Variants in CYB561 observed in about 807,000 individuals in gnomAD.
CYB561 encodes the protein cytochrome b561.
In CYB561, 11 loss-of-function variants were observed where a neutral mutation model predicts 25.3. The ratio of observed to expected loss-of-function variants is 0.44; its 90% CI spans 0.27 to 0.72. The LOEUF is 0.72. CYB561 is among the 30% of genes least tolerant of loss of function. The pLI is 0.18. For synonymous variants in CYB561, 165 were observed against 158.8 expected, an observed-to-expected ratio of 1.04 and a Z score of -0.29; for missense variants, 295 against 334.9, an observed-to-expected ratio of 0.88 and a Z score of 0.93.
Position 63,432,645 on chromosome 17 carries a change from T to C in CYB561, c.*1757A>G, listed in dbSNP as rs958083415. On this transcript the variant is annotated 3_prime_UTR_variant, in exon 6 of 6. Coordinates refer to ENST00000360793, the MANE Select transcript of CYB561 (RefSeq NM_001915.4). ...TGACGGCACCCCTACCCCTGAAGAG[T>C]GTACAGTCTAAACAGGAGGCGAACA... 2 of 151,556 alleles carry C rather than the reference T, an allele frequency of 1.3e-5. No individual in the cohort carries two copies. Among genetic ancestry groups the C allele is most frequent in the Non-Finnish European group, 2.9e-5 (2 of 67,964 alleles). The allele number at this position is 151,556 out of a possible 1,614,324, so 9.4% of individuals were successfully genotyped here.
intron 2 of CYB561, 80 bp downstream of exon 2, chr17:63,437,266 A>AG: frequency 9.1e-7 from 1 of 1,094,740 alleles, no homozygotes; most frequent in Non-Finnish European, 1.4e-6. Context: ...AAGAGACCGC[A>AG]GGGGTGACAA....
rs1195906697 is a variant in CYB561, at chr17:63,436,859, C to T, written c.202+487G>A. On this transcript the variant is annotated intron_variant, in intron 2 of 5. Transcript: ENST00000360793. The surrounding 1 kb of genome is among the most constrained non-coding windows in gnomAD (Gnocchi z 4.8). ...GAGCGGGTCAACCGGATGCAGATCC[C>T]GCTTCCTGGATCCCTGGCCTGGAGG... is the stretch of plus-strand genomic sequence containing the variant. Among the ~76,000 whole-genome samples, 2 of 152,206 alleles carry T rather than the reference C, an allele frequency of 1.3e-5. No homozygotes were observed. The highest frequency in any genetic ancestry group is 2.4e-5 in the African/African-American group (1 of 41,448).
chr17:63,444,366 C>T (rs989936872), intron 1 of CYB561, among the ~76,000 whole-genome samples: 1 of 152,210 alleles, frequency 6.6e-6, no homozygotes, highest in African/African-American at 2.4e-5. Flanking sequence ...AGCCTGCTTC[C>T]TAATCTATAA....
chr17:63,438,975 C>G (rs558267834), intron 1 of CYB561: 1 of 152,642 alleles, frequency 6.6e-6, no homozygotes, highest in Non-Finnish European at 1.5e-5. Flanking sequence ...ACAAGCAGAC[C>G]CCAGAGCACT....
Position 63,433,416 on chromosome 17 carries a change from C to G in CYB561, c.*986G>C. The G allele has an allele frequency of 2.5e-6, 1 of 398,860 alleles. No individual in the cohort carries two copies. The allele number at this position is 398,860 out of a possible 1,614,324, so 24.7% of individuals were successfully genotyped here. ...GTTGTTCTGACTCCATCCTGACTTC[C>G]TGGAAAGATGGGCAGCAGATAAGGA... On this transcript the variant is annotated 3_prime_UTR_variant, in exon 6 of 6. Transcript: ENST00000360793.
chr17:63,437,583 G>A, intron 1 of CYB561, 23 bp from the exon 2 acceptor site: 3 of 1,585,240 alleles, frequency 1.9e-6, no homozygotes, highest in Non-Finnish European at 2.6e-6. Context: ...GCAGAGCTCA[G>A]AGGAGCAGCG....
At chr17:63,444,201 GTTA>G (rs1412596449) in intron 1 of CYB561, among the ~76,000 whole-genome samples, 1 of 151,716 alleles carries the variant, frequency 6.6e-6, no homozygotes, top group Non-Finnish European at 1.5e-5. Context: ...CGGGCCAATT[GTTA>G]TTATTTTTTT....
In CYB561 at chr17:63,433,232, A is replaced by G. The variant is rs914934977; in HGVS notation, c.*1170T>C. The G allele has an allele frequency of 2.5e-6, 1 of 394,500 alleles. No individual in the cohort carries two copies. The allele number at this position is 394,500 out of a possible 1,614,324, so 24.4% of individuals were successfully genotyped here. ...GTATTTTTAGTAGAGACGGGGTTTC[A>G]CTGTGTTTGTTAGTCAGGATGGTCT... On this transcript the variant is annotated 3_prime_UTR_variant, in exon 6 of 6. Transcript: ENST00000360793.
chr17:63,439,322 G>A (rs1042386550), intron 1 of CYB561: 1 of 152,124 alleles, frequency 6.6e-6, no homozygotes, highest in African/African-American at 2.4e-5. Context: ...GATCACCTGA[G>A]GCCAGGAGTT....
chr17:63,441,183 G>A (rs557916217), intron 1 of CYB561, among the ~76,000 whole-genome samples: 10 of 152,198 alleles, frequency 6.6e-5, no homozygotes, highest in South Asian at 4.1e-4. Flanking sequence ...CTGGCCTCCC[G>A]GGGAGTCGGA....
intron 1 of CYB561, chr17:63,438,082 G>C: frequency 6.5e-7 from 1 of 1,532,424 alleles, no homozygotes; most frequent in East Asian, 2.5e-5. Context: ...GGGAGTGGCT[G>C]GGGGGAGGGG....
chr17:63,446,384 A>T (rs1209727054), upstream of CYB561: 1 of 151,740 alleles, frequency 6.6e-6, no homozygotes, highest in East Asian at 1.9e-4. Context: ...GAAGTGGCGT[A>T]CGCGGCCCCC....
chr17:63,446,422 C>A (rs911598220), upstream of CYB561: 4 of 151,700 alleles, frequency 2.6e-5, no homozygotes, highest in African/African-American at 9.7e-5. Context: ...GCCAGGTCCC[C>A]GCGGTTGCGG....
chr17:63,434,357 C>T lies in CYB561; in HGVS notation c.*45G>A, dbSNP rs1256187607. On this transcript the variant is annotated 3_prime_UTR_variant, in exon 6 of 6. Transcript: ENST00000360793. ...AGTCCTGAAGACGCCTCAGCAGGGG[C>T]AGGCAAGAAGACACCCCGCGAACCC... 6.1e-6 allele frequency: 9 copies of T among 1,483,556 alleles called. No homozygotes were observed. Among genetic ancestry groups the T allele is most frequent in the Non-Finnish European group, 8.1e-6 (9 of 1,107,072 alleles). The allele number at this position is 1,483,556 out of a possible 1,614,324, so 91.9% of individuals were successfully genotyped here.
At position 63,434,642 on chromosome 17, in the gene CYB561, G is replaced by C. The variant is rs2049274036; in HGVS notation, c.564-48C>G. 2.0e-6 allele frequency: 3 copies of C among 1,524,064 alleles called. No individual in the cohort carries two copies. The African/African-American group carries it at 4.1e-5, about 21-fold the overall frequency. 94.4% of individuals were successfully genotyped at this position (1,524,064 alleles called of 1,614,324 possible). Reference sequence around the variant, plus strand: ...GAAGCTGCCCAAGGGGTCACAATTAGGCCAAATGCCCTTTGTATCCTGGGC... The same window carrying C: ...GAAGCTGCCCAAGGGGTCACAATTACGCCAAATGCCCTTTGTATCCTGGGC... On this transcript the variant is annotated intron_variant, in intron 5 of 5. Coordinates refer to ENST00000360793, the MANE Select transcript of CYB561 (RefSeq NM_001915.4).
rs1215245816 is a variant in CYB561, at chr17:63,436,258, C to T, written c.203-106G>A. 1.5e-6 allele frequency: 2 copies of T among 1,371,564 alleles called. No homozygotes were observed. Among genetic ancestry groups the T allele is most frequent in the African/African-American group, 2.9e-5 (2 of 69,206 alleles). The allele number at this position is 1,371,564 out of a possible 1,614,324, so 85.0% of individuals were successfully genotyped here. ...GTGGAGAGGTGATGTGAGCTGACGGCTTGTAACAGGAGCCTAGCTGCAGGA... is the reference window on the plus strand; with the variant it reads ...GTGGAGAGGTGATGTGAGCTGACGGTTTGTAACAGGAGCCTAGCTGCAGGA... On this transcript the variant is annotated intron_variant, in intron 2 of 5. Coordinates refer to ENST00000360793, the MANE Select transcript of CYB561 (RefSeq NM_001915.4). This position sits in a 1 kb window ranked among gnomAD's most constrained non-coding sequence, Gnocchi z 4.8.
At chr17:63,442,193 T>C (rs530264828) in intron 1 of CYB561, among the ~76,000 whole-genome samples, 238 of 152,350 alleles carry the variant, frequency 1.6e-3, no homozygotes, top group African/African-American at 5.5e-3. Flanking sequence ...AGCGTGGCTC[T>C]GTGCTTTACA....
intron 1 of CYB561, chr17:63,437,975 G>GGGTCCC: frequency 1.1e-5 from 1 of 89,530 alleles, no homozygotes; most frequent in Admixed American, 1.3e-4. Context: ...CGGCGGCCCC[G>GGGTCCC]CCACCCTCCC....
chr17:63,444,850 G>A (rs2049408313), intron 1 of CYB561, among the ~76,000 whole-genome samples: 1 of 152,198 alleles, frequency 6.6e-6, no homozygotes, highest in African/African-American at 2.4e-5. Context: ...CCCAAGCTCT[G>A]CCTGCCAAGG....
Sources: allele counts gnomAD v4.1 joint callset (sites outside exome capture counted in the v4.1 genomes callset), GRCh38; gene constraint gnomAD v4.1.1; non-coding constraint Gnocchi (gnomAD v3.1); transcripts MANE v1.5; gene names NCBI Gene and HGNC (gene_info 2026-07-23, HGNC 2026-07-21).